ACOT1: variants seen among roughly 807,000 people sequenced by gnomAD.
ACOT1 encodes acyl-CoA thioesterase 1.
Under a neutral mutation model 15.7 loss-of-function variants are expected in ACOT1, and 8 were observed. The observed-to-expected ratio is 0.51, with a 90% CI of 0.30 to 0.92. ACOT1 has a LOEUF of 0.92. Among genes scored for constraint, ACOT1 ranks in the 40% least tolerant of loss-of-function variants. The pLI is 0.06. For synonymous variants in ACOT1, 67 were observed against 241.2 expected, an observed-to-expected ratio of 0.28 and a Z score of 6.69; for missense variants, 151 against 539.4, an observed-to-expected ratio of 0.28 and a Z score of 7.13.
At chr14:73,510,083 G>A in the ACOT1 span, among the ~76,000 whole-genome samples, 4 of 150,676 alleles carry the variant, frequency 2.7e-5, no homozygotes, top group African/African-American at 4.9e-5. Flanking sequence ...GGATGGTCTC[G>A]ATCTCCTGAC....
chr14:73,511,825 A>T, the ACOT1 span, among the ~76,000 whole-genome samples: 1 of 152,348 alleles, frequency 6.6e-6, no homozygotes, highest in South Asian at 2.1e-4. Context: ...ACTGGACTAG[A>T]AGTCTGGAAT....
chr14:73,493,585 C>T, the ACOT1 span, among the ~76,000 whole-genome samples: 1 of 152,088 alleles, frequency 6.6e-6, no homozygotes, highest in Non-Finnish European at 1.5e-5. Context: ...TGCCTGTAAT[C>T]CTAGCACTTT....
chr14:73,542,403 C>CT (rs57839054), intron 2 of ACOT1, among the ~76,000 whole-genome samples: 4,309 of 83,454 alleles, frequency 0.052, 1,119 homozygotes, highest in African/African-American at 0.16. Context: ...TTTTTTCTTT[C>CT]TTTTTTTTTT....
At chr14:73,520,688 G>C in the ACOT1 span, 1 of 633,558 alleles carries the variant, frequency 1.6e-6, no homozygotes, top group East Asian at 2.7e-5. Context: ...ATCACTCCCC[G>C]ACCCAACTCC....
intron 1 of ACOT1, 128 bp downstream of exon 1, chr14:73,538,006 C>A (rs1204363320): frequency 1.3e-6 from 1 of 781,442 alleles, no homozygotes. Context: ...TCCTCCCGCC[C>A]CACCACCACC....
At chr14:73,523,110 A>G in the ACOT1 span, 1 of 1,608,846 alleles carries the variant, frequency 6.2e-7, no homozygotes, top group Non-Finnish European at 8.5e-7. Flanking sequence ...GACTGATAGA[A>G]GCAATGGGGG....
At chr14:73,513,586 G>A in the ACOT1 span, among the ~76,000 whole-genome samples, 1 of 151,758 alleles carries the variant, frequency 6.6e-6, no homozygotes, top group Non-Finnish European at 1.5e-5. Context: ...AGTTAACCAA[G>A]TGTGGTGGCG....
the ACOT1 span, among the ~76,000 whole-genome samples, chr14:73,499,907 C>T: frequency 6.6e-6 from 1 of 152,142 alleles, no homozygotes. Flanking sequence ...TGGAATGCGG[C>T]CCAACACAAA....
At chr14:73,496,550 CTCT>C in the ACOT1 span, 1 of 1,135,570 alleles carries the variant, frequency 8.8e-7, no homozygotes, top group Non-Finnish European at 1.3e-6. Flanking sequence ...GTCTGAGGAA[CTCT>C]TGAGAGTCCT....
the ACOT1 span, chr14:73,512,081 G>C: frequency 5.0e-5 from 80 of 1,613,978 alleles, no homozygotes; most frequent in Non-Finnish European, 5.8e-5. Context: ...GCTTTGATCC[G>C]AACGTCATCA....
chr14:73,519,023 A>C, the ACOT1 span: 44 of 1,611,616 alleles, frequency 2.7e-5, no homozygotes, highest in Non-Finnish European at 3.6e-5. Context: ...TCCTGCTTAC[A>C]TGCTTCAGGA....
chr14:73,495,486 G>T, the ACOT1 span: 2 of 989,186 alleles, frequency 2.0e-6, no homozygotes, highest in Non-Finnish European at 3.0e-6. Context: ...AGGAGGCTGA[G>T]GAGGGAGGAT....
At chr14:73,522,939 T>TA in the ACOT1 span, 2 of 1,614,128 alleles carry the variant, frequency 1.2e-6, no homozygotes, top group Non-Finnish European at 1.7e-6. Flanking sequence ...TGAGAGAAGG[T>TA]AAGGTTTGCA....
the ACOT1 span, chr14:73,491,309 G>A: frequency 5.3e-6 from 8 of 1,517,570 alleles, no homozygotes; most frequent in African/African-American, 1.4e-5. Context: ...AGAGCCATAC[G>A]GCCACCTGGG....
the ACOT1 span, among the ~76,000 whole-genome samples, chr14:73,505,495 C>T: frequency 6.6e-6 from 1 of 151,902 alleles, no homozygotes; most frequent in Non-Finnish European, 1.5e-5. Context: ...CTCCCAGGTT[C>T]AAGCAATTCT....
chr14:73,536,391 T>C (rs1888862239), upstream of ACOT1, among the ~76,000 whole-genome samples: 2 of 108,344 alleles, frequency 1.8e-5, 1 homozygote, highest in African/African-American at 6.0e-5. Flanking sequence ...GGTAGTCCCT[T>C]GAGGTGTTTG....
At chr14:73,510,182 C>A in the ACOT1 span, among the ~76,000 whole-genome samples, 2 of 151,742 alleles carry the variant, frequency 1.3e-5, no homozygotes, top group South Asian at 2.1e-4. Flanking sequence ...TTTGTAAGAA[C>A]AATTATATTT....
At chr14:73,521,001 A>C in the ACOT1 span, 1 of 1,613,592 alleles carries the variant, frequency 6.2e-7, no homozygotes. Context: ...GCCAGGCATG[A>C]TCTCAACTGT....
At chr14:73,508,047 A>C in the ACOT1 span, 1 of 1,275,142 alleles carries the variant, frequency 7.8e-7, no homozygotes, top group Non-Finnish European at 1.1e-6. Flanking sequence ...CCCCGGCCCC[A>C]GCTGCATTTC....
Sources: gnomAD v4.1 joint callset for allele counts (sites outside exome capture counted in the v4.1 genomes callset) on GRCh38, gnomAD v4.1.1 for gene constraint, MANE v1.5 for transcripts, NCBI Gene and HGNC (gene_info 2026-07-23, HGNC 2026-07-21) for gene names.